Variants in CSMD1 observed in about 807,000 individuals in gnomAD.
CSMD1 encodes CUB and sushi domain-containing protein 1.
In CSMD1, 213 loss-of-function variants were observed where a neutral mutation model predicts 417.5. That is an observed-to-expected ratio of 0.51 (90% CI 0.46 to 0.57). CSMD1 has a LOEUF of 0.57. CSMD1 is among the 20% of genes least tolerant of loss of function. CSMD1 has a pLI of 0.00. For missense variants in CSMD1, 6,923 were observed against 4,529.7 expected, an observed-to-expected ratio of 1.53 and a Z score of -15.17; for synonymous variants, 2,862 against 1,736.8, an observed-to-expected ratio of 1.65 and a Z score of -16.11.
At chr8:3,532,369 T>C (rs1798018867) in intron 10 of CSMD1, among the ~76,000 whole-genome samples, 1 of 152,166 alleles carries the variant, frequency 6.6e-6, no homozygotes, top group Non-Finnish European at 1.5e-5. Context: ...CACACCAATC[T>C]GTGTGTGTAT....
intron 1 of CSMD1, among the ~76,000 whole-genome samples, chr8:4,880,670 A>G (rs1292623473): frequency 4.6e-5 from 7 of 152,040 alleles, no homozygotes; most frequent in Non-Finnish European, 1.0e-4. Context: ...GTGGAGACAG[A>G]GAGACTTTTC....
intron 1 of CSMD1, among the ~76,000 whole-genome samples, chr8:4,986,520 A>G (rs978397710): frequency 6.6e-6 from 1 of 152,218 alleles, no homozygotes; most frequent in African/African-American, 2.4e-5. Flanking sequence ...TCACTCTCCA[A>G]ATAATTCAAA....
chr8:3,563,379 C>T (rs1344839644), intron 10 of CSMD1, among the ~76,000 whole-genome samples: 1 of 65,600 alleles, frequency 1.5e-5, no homozygotes, highest in Non-Finnish European at 3.1e-5. Context: ...ACGACAAATA[C>T]TAAAAATGAG....
At chr8:4,725,369 T>C (rs943457352) in intron 1 of CSMD1, among the ~76,000 whole-genome samples, 1 of 152,178 alleles carries the variant, frequency 6.6e-6, no homozygotes, top group Admixed American at 6.5e-5. Flanking sequence ...AATTACATAA[T>C]AGTAATGTTG....
At chr8:3,758,558 A>G (rs1196690047) in intron 5 of CSMD1, among the ~76,000 whole-genome samples, 2 of 152,194 alleles carry the variant, frequency 1.3e-5, no homozygotes, top group Non-Finnish European at 2.9e-5. Context: ...TTGATGCTAT[A>G]AACTCAGTTG....
intron 5 of CSMD1, among the ~76,000 whole-genome samples, chr8:3,902,731 G>C (rs1395234037): frequency 3.9e-5 from 6 of 152,108 alleles, no homozygotes; most frequent in African/African-American, 1.2e-4. Context: ...CCCGGGATTA[G>C]AGACCCCTGC....
At chr8:2,989,071 A>C (rs1324306860) in intron 54 of CSMD1, among the ~76,000 whole-genome samples, 1 of 152,266 alleles carries the variant, frequency 6.6e-6, no homozygotes, top group African/African-American at 2.4e-5. Flanking sequence ...CAAAGACAAC[A>C]GCACATTTAT....
In CSMD1 at chr8:3,688,728, T is replaced by C. The variant is rs567111059; in HGVS notation, c.1009+19686A>G. Among the ~76,000 whole-genome samples, 5 of 152,272 alleles carry C rather than the reference T, an allele frequency of 3.3e-5. No individual in the cohort carries two copies. The South Asian group carries it at 1.0e-3, about 32-fold the overall frequency. ...TTTCTTTCTCCTCAATTAAAAAATA[T>C]TTACTTTAAAAGTTGCTGGGTGAAA... On this transcript the variant is annotated intron_variant, in intron 7 of 69. Transcript: ENST00000635120.
chr8:2,972,613 A>G (rs567680847), intron 57 of CSMD1, among the ~76,000 whole-genome samples: 13 of 152,264 alleles, frequency 8.5e-5, no homozygotes, highest in African/African-American at 3.1e-4. Flanking sequence ...ATGCCTCTCA[A>G]ACATTAGAAT....
intron 2 of CSMD1, among the ~76,000 whole-genome samples, chr8:4,425,262 T>G (rs1448253602): frequency 1.3e-5 from 2 of 151,612 alleles, no homozygotes; most frequent in Admixed American, 6.6e-5. Context: ...ACGAGTGTCA[T>G]AAGACTACTG....
chr8:3,241,198 A>C (rs533280800), intron 26 of CSMD1, among the ~76,000 whole-genome samples: 1 of 151,484 alleles, frequency 6.6e-6, no homozygotes, highest in African/African-American at 2.4e-5. Flanking sequence ...TAATAAGGGA[A>C]CTGGGCAGGT....
At chr8:4,205,861 C>A (rs866184111) in intron 3 of CSMD1, among the ~76,000 whole-genome samples, 1 of 152,134 alleles carries the variant, frequency 6.6e-6, no homozygotes, top group African/African-American at 2.4e-5. Flanking sequence ...CATCAAAAAA[C>A]AGAAAATGAA....
chr8:3,991,767 A>C (rs1293399478), intron 5 of CSMD1, among the ~76,000 whole-genome samples: 1 of 152,140 alleles, frequency 6.6e-6, no homozygotes, highest in Non-Finnish European at 1.5e-5. Context: ...CTTTTTTAAA[A>C]GGAGGAGGAA....
intron 5 of CSMD1, among the ~76,000 whole-genome samples, chr8:3,967,994 C>T (rs796439619): frequency 7.7e-5 from 10 of 130,162 alleles, no homozygotes; most frequent in African/African-American, 2.5e-4. Flanking sequence ...GGTGAAACCC[C>T]GTCACTGCTT....
intron 9 of CSMD1, among the ~76,000 whole-genome samples, chr8:3,577,039 A>C (rs146641284): frequency 6.6e-5 from 10 of 152,296 alleles, no homozygotes; most frequent in African/African-American, 2.4e-4. Context: ...CATCTGAAAA[A>C]CATCTGCAGG....
chr8:3,864,402 A>G (rs1221196689), intron 5 of CSMD1, among the ~76,000 whole-genome samples: 2 of 152,200 alleles, frequency 1.3e-5, no homozygotes, highest in African/African-American at 4.8e-5. Context: ...TGCAAAGATG[A>G]AGGTGAGAAA....
intron 10 of CSMD1, among the ~76,000 whole-genome samples, chr8:3,513,473 G>C (rs1056166287): frequency 1.3e-5 from 2 of 151,976 alleles, no homozygotes; most frequent in Non-Finnish European, 2.9e-5. Flanking sequence ...TTACAGGCCT[G>C]TTGTGGGATC....
chr8:3,458,521 A>G (rs1204390454), intron 12 of CSMD1, among the ~76,000 whole-genome samples: 8 of 152,198 alleles, frequency 5.3e-5, no homozygotes, highest in East Asian at 3.9e-4. Context: ...TGGAAACTCA[A>G]TATCTTTCTA....
intron 39 of CSMD1, among the ~76,000 whole-genome samples, chr8:3,157,249 G>A (rs1355208798): frequency 6.6e-6 from 1 of 152,034 alleles, no homozygotes; most frequent in African/African-American, 2.4e-5. Context: ...GGAGCAAAGG[G>A]CACCCTGACA....
Sources: allele counts gnomAD v4.1 joint callset (sites outside exome capture counted in the v4.1 genomes callset), GRCh38; gene constraint gnomAD v4.1.1; transcripts MANE v1.5; gene names NCBI Gene and HGNC (gene_info 2026-07-23, HGNC 2026-07-21).